The following COX20 variants were observed in gnomAD, a reference collection of about 807,000 sequenced individuals.
The protein encoded by COX20 is cytochrome c oxidase assembly factor COX20.
In COX20, 14 loss-of-function variants were observed where a neutral mutation model predicts 14.3. That is an observed-to-expected ratio of 0.98 (90% CI 0.65 to 1.53). COX20 has a LOEUF of 1.53. Ranked by LOEUF, COX20 falls within the 40% of genes most tolerant of loss-of-function variation. COX20 has a pLI of 0.00. For missense variants in COX20, 149 were observed against 142.1 expected (o/e 1.05, Z -0.25); for synonymous variants, 56 against 51.7 (o/e 1.08, Z -0.36).
chr1:244,835,792 G>T, intron 1 of COX20, 36 bp downstream of exon 1: 1 of 1,245,414 alleles, frequency 8.0e-7, no homozygotes, highest in South Asian at 3.4e-5. Flanking sequence ...CGCCGCGGGT[G>T]GGCGGTGGGT....
rs1450753643 is a variant in COX20, at chr1:244,835,688, G to A, written c.-27G>A. Reference sequence around the variant, plus strand: ...TGCTTCCGCGACCCCGGCGGTGCAGGGCGGGTGGAGTCGCGGAGTAGTCCT... The same window carrying A: ...TGCTTCCGCGACCCCGGCGGTGCAGAGCGGGTGGAGTCGCGGAGTAGTCCT... On this transcript the variant is annotated 5_prime_UTR_variant, in exon 1 of 4. Coordinates refer to ENST00000411948, the MANE Select transcript of COX20 (RefSeq NM_198076.6). The A allele has an allele frequency of 2.4e-6, 3 of 1,250,538 alleles. No homozygotes were observed. Among genetic ancestry groups the A allele is most frequent in the South Asian group, 6.5e-5 (2 of 30,658 alleles). 77.5% of individuals were successfully genotyped at this position (1,250,538 alleles called of 1,614,324 possible).
upstream of COX20, chr1:244,835,530 G>A (rs1055277030): frequency 7.2e-5 from 29 of 401,250 alleles, no homozygotes; most frequent in Non-Finnish European, 1.2e-4. Context: ...CAAAGGACAT[G>A]ACAGCCCGGC....
intron 1 of COX20, among the ~76,000 whole-genome samples, chr1:244,839,400 G>C (rs1034205422): frequency 1.3e-5 from 2 of 151,588 alleles, no homozygotes; most frequent in Non-Finnish European, 2.9e-5. Flanking sequence ...TGGTAAAGCT[G>C]CTTTTCTAAA....
rs1680336132 is a variant in COX20 at position 244,844,290 on chromosome 1, G to A, written c.*1114G>A. On this transcript the variant is annotated 3_prime_UTR_variant, in exon 4 of 4. Transcript: ENST00000411948. ...TCTTGTGGCTGTCGCTAGGAAGGAT[G>A]CAGAGGCTGTGTGGTTTACCAAATG... 6.6e-6 allele frequency: 1 copy of A among 152,190 alleles called. No individual in the cohort carries two copies. Among genetic ancestry groups the A allele is most frequent in the Admixed American group, 6.5e-5 (1 of 15,274 alleles). The allele number at this position is 152,190 out of a possible 1,614,324, so 9.4% of individuals were successfully genotyped here. A position where few individuals can be genotyped will look rare whatever the true frequency, so the allele number is the denominator to read the frequency against.
intron 3 of COX20, 174 bp from the exon 4 acceptor site, chr1:244,842,867 A>T (rs1680262154): frequency 2.1e-6 from 1 of 478,618 alleles, no homozygotes. Context: ...GAATGTGTTG[A>T]TAGGTATTCT....
chr1:244,843,265 T>A lies in COX20; in HGVS notation c.*89T>A. 1.4e-6 allele frequency: 2 copies of A among 1,421,772 alleles called. No homozygotes were observed. The highest frequency in any genetic ancestry group is 1.9e-6 in the Non-Finnish European group (2 of 1,052,446). 88.1% of individuals were successfully genotyped at this position (1,421,772 alleles called of 1,614,324 possible). A position where few individuals can be genotyped will look rare whatever the true frequency, so the allele number is the denominator to read the frequency against. ...TGCAATAAGCTCTCAATCAAGTAAATAAAGTTTAAGTTGTAGTCATTTTTT... is the reference window on the plus strand; with the variant it reads ...TGCAATAAGCTCTCAATCAAGTAAAAAAAGTTTAAGTTGTAGTCATTTTTT... On this transcript the variant is annotated 3_prime_UTR_variant, in exon 4 of 4. Transcript: ENST00000411948.
intron 3 of COX20, 198 bp from the exon 4 acceptor site, chr1:244,842,843 T>TC (rs1336959372): frequency 4.8e-6 from 2 of 419,360 alleles, no homozygotes; most frequent in African/African-American, 2.1e-5. Flanking sequence ...ATCCTTTTTT[T>TC]CCTAATAAAA....
rs1680293473 is a variant in COX20 at position 244,843,401 on chromosome 1, G to C, written c.*225G>C. ...AGTGGACTTGTCATCCTTAAAATGT[G>C]AACAGAATTTATTGGCAGTGTGGCA... is the stretch of plus-strand genomic sequence containing the variant. On this transcript the variant is annotated 3_prime_UTR_variant, in exon 4 of 4. Coordinates refer to ENST00000411948, the MANE Select transcript of COX20 (RefSeq NM_198076.6). 2 of 483,678 alleles carry C rather than the reference G, an allele frequency of 4.1e-6. No individual in the cohort carries two copies. The highest frequency in any genetic ancestry group is 8.0e-5 in the East Asian group (2 of 24,876). 30.0% of individuals were successfully genotyped at this position (483,678 alleles called of 1,614,324 possible).
At chr1:244,840,233 A>G (rs764375134) in intron 1 of COX20, 6 of 152,240 alleles carry the variant, frequency 3.9e-5, no homozygotes, top group Admixed American at 6.5e-5. Flanking sequence ...TTTTCTAAAC[A>G]TAGATTCCAG....
intron 3 of COX20, 151 bp downstream of exon 3, chr1:244,842,409 A>C: frequency 1.5e-6 from 1 of 659,240 alleles, no homozygotes; most frequent in South Asian, 1.8e-5. Context: ...TGGAAATCTT[A>C]AAATGCTTGA....
At chr1:244,841,771 T>C in intron 1 of COX20, 173 bp from the exon 2 acceptor site, 3 of 558,360 alleles carry the variant, frequency 5.4e-6, no homozygotes, top group Non-Finnish European at 9.7e-6. Context: ...AGATTCAGAC[T>C]GCATACCAAA....
chr1:244,841,808 T>C (rs1350268475), intron 1 of COX20, 136 bp from the exon 2 acceptor site: 10 of 602,162 alleles, frequency 1.7e-5, no homozygotes, highest in Non-Finnish European at 2.7e-5. Flanking sequence ...GCAAGCTGAT[T>C]TAGGTTGTCA....
At position 244,843,496 on chromosome 1, in the gene COX20, T is replaced by C; in HGVS notation, c.*320T>C. 1 of 223,042 alleles carries C rather than the reference T, an allele frequency of 4.5e-6. No individual in the cohort carries two copies. The highest frequency in any genetic ancestry group is 9.3e-5 in the South Asian group (1 of 10,782). The allele number at this position is 223,042 out of a possible 1,614,324, so 13.8% of individuals were successfully genotyped here. ...TAGTAGTAAGTATAGAGTTTGATGA[T>C]AAGTAAACGTCCCTTAACAAAAACC... is the stretch of plus-strand genomic sequence containing the variant. On this transcript the variant is annotated 3_prime_UTR_variant, in exon 4 of 4. Coordinates refer to ENST00000411948, the MANE Select transcript of COX20 (RefSeq NM_198076.6).
intron 3 of COX20, 73 bp downstream of exon 3, chr1:244,842,331 T>TC: frequency 2.0e-6 from 2 of 1,008,042 alleles, no homozygotes; most frequent in South Asian, 2.6e-5. Context: ...CATGCTCTTT[T>TC]CAGAGCAGTC....
At chr1:244,838,566 A>G (rs1374813721) in intron 1 of COX20, among the ~76,000 whole-genome samples, 2 of 152,216 alleles carry the variant, frequency 1.3e-5, no homozygotes, top group African/African-American at 4.8e-5. Flanking sequence ...AAAACAAATG[A>G]TAATTTGTGC....
intron 1 of COX20, chr1:244,840,731 AATAC>A: frequency 6.6e-6 from 1 of 152,212 alleles, no homozygotes; most frequent in East Asian, 1.9e-4. Flanking sequence ...CATAGGCAGA[AATAC>A]AATTGAGAAT....
chr1:244,842,158 A>AT (rs1680231878), intron 2 of COX20, 37 bp from the exon 3 acceptor site: 2 of 1,486,388 alleles, frequency 1.3e-6, no homozygotes, highest in African/African-American at 1.4e-5. Flanking sequence ...ATATAACGTA[A>AT]TTATATTCTA....
intron 1 of COX20, among the ~76,000 whole-genome samples, chr1:244,837,106 T>TA (rs776082805): frequency 0.034 from 4,979 of 144,446 alleles, 110 homozygotes; most frequent in African/African-American, 0.057. Flanking sequence ...CATTGGAAAT[T>TA]AAAAAAAAAA....
At chr1:244,838,594 G>A (rs1392796328) in intron 1 of COX20, among the ~76,000 whole-genome samples, 4 of 152,320 alleles carry the variant, frequency 2.6e-5, no homozygotes, top group African/African-American at 4.8e-5. Context: ...GCTGAGATGC[G>A]GATTTAGACT....
Sources: gnomAD v4.1 joint callset for allele counts (sites outside exome capture counted in the v4.1 genomes callset) on GRCh38, gnomAD v4.1.1 for gene constraint, MANE v1.5 for transcripts, NCBI Gene and HGNC (gene_info 2026-07-23, HGNC 2026-07-21) for gene names.